The following SUGCT variants were observed in gnomAD, a reference collection of about 807,000 sequenced individuals.
SUGCT encodes the protein succinyl-CoA:glutarate CoA-transferase.
A neutral mutation model predicts 55.0 loss-of-function variants in SUGCT; 41 were observed. That is an observed-to-expected ratio of 0.74 (90% confidence interval 0.58 to 0.97). The LOEUF is 0.97. Ranked by LOEUF, SUGCT falls within the 50% of genes least tolerant of loss-of-function variation. SUGCT has a pLI of 0.00. For missense variants in SUGCT, 568 were observed against 547.8 expected (o/e 1.04, Z -0.37); for synonymous variants, 187 against 200.4 (o/e 0.93, Z 0.56).
At chr7:40,205,218 G>T (rs931094665) in intron 6 of SUGCT, among the ~76,000 whole-genome samples, 1 of 152,252 alleles carries the variant, frequency 6.6e-6, no homozygotes, top group East Asian at 1.9e-4. Context: ...TTGCACCACT[G>T]CACTCCAGCC....
chr7:40,336,524 G>A (rs904706217), intron 9 of SUGCT, among the ~76,000 whole-genome samples: 1 of 152,176 alleles, frequency 6.6e-6, no homozygotes, highest in African/African-American at 2.4e-5. Flanking sequence ...AGATTTTCTA[G>A]TTTATTTGTG....
intron 12 of SUGCT, among the ~76,000 whole-genome samples, chr7:40,648,244 A>G (rs1217897585): frequency 6.6e-6 from 1 of 152,192 alleles, no homozygotes; most frequent in East Asian, 1.9e-4. Context: ...ATTAGCAGTC[A>G]TTATATCTTT....
intron 6 of SUGCT, among the ~76,000 whole-genome samples, chr7:40,213,574 A>G (rs919353610): frequency 1.3e-5 from 2 of 152,064 alleles, no homozygotes; most frequent in Non-Finnish European, 2.9e-5. Flanking sequence ...TCCATGTGAT[A>G]TTCTTGGAAC....
intron 9 of SUGCT, among the ~76,000 whole-genome samples, chr7:40,344,083 G>T (rs966944088): frequency 1.3e-5 from 2 of 152,156 alleles, no homozygotes; most frequent in African/African-American, 4.8e-5. Flanking sequence ...AGATGGTGAG[G>T]TACATGCTGG....
intron 9 of SUGCT, among the ~76,000 whole-genome samples, chr7:40,320,568 A>G (rs1795673053): frequency 6.6e-6 from 1 of 152,172 alleles, no homozygotes; most frequent in Non-Finnish European, 1.5e-5. Flanking sequence ...CTTTACATAC[A>G]TGGCCAACAT....
At position 40,298,193 on chromosome 7, in the gene SUGCT, A is replaced by T. The variant is rs113203940; in HGVS notation, c.721-18567A>T. ...TTGTTATTTTTGAGTATCTTGATTTAAAAAAAAAAAAAAGATCAGTCACCA... is the reference window on the plus strand; with the variant it reads ...TTGTTATTTTTGAGTATCTTGATTTTAAAAAAAAAAAAAGATCAGTCACCA... On this transcript the variant is annotated intron_variant, in intron 8 of 13. Coordinates refer to ENST00000335693, the MANE Select transcript of SUGCT (RefSeq NM_001193313.2). Among the ~76,000 whole-genome samples, 342 of 141,932 alleles carry T rather than the reference A, an allele frequency of 2.4e-3. 1 individual carries two copies. Among genetic ancestry groups the T allele is most frequent in the African/African-American group, 7.7e-3 (302 of 39,080 alleles). 93.1% of individuals were successfully genotyped at this position (141,932 alleles called of 152,430 possible).
intron 12 of SUGCT, 48 bp from the exon 13 acceptor site, chr7:40,749,386 A>T (rs752996753): frequency 2.9e-5 from 43 of 1,492,326 alleles, no homozygotes; most frequent in Non-Finnish European, 4.0e-5. Context: ...GCAATTGAAG[A>T]TGGTTTTATT....
At chr7:40,639,452 A>G (rs974126466) in intron 12 of SUGCT, among the ~76,000 whole-genome samples, 2 of 152,116 alleles carry the variant, frequency 1.3e-5, no homozygotes, top group African/African-American at 2.4e-5. Flanking sequence ...GGTCACATCA[A>G]TTACTATGAT....
intron 11 of SUGCT, among the ~76,000 whole-genome samples, chr7:40,465,161 A>C (rs1487117923): frequency 1.3e-5 from 2 of 152,200 alleles, no homozygotes; most frequent in African/African-American, 4.8e-5. Flanking sequence ...GTTTGGAATG[A>C]TTTGGTTATT....
intron 9 of SUGCT, among the ~76,000 whole-genome samples, chr7:40,406,568 C>T (rs982918095): frequency 1.3e-5 from 2 of 152,198 alleles, no homozygotes; most frequent in African/African-American, 4.8e-5. Flanking sequence ...CTTTCACTTT[C>T]AGAGTTTTCT....
intron 13 of SUGCT, among the ~76,000 whole-genome samples, chr7:40,754,255 T>C (rs1387213459): frequency 1.3e-5 from 2 of 152,204 alleles, no homozygotes; most frequent in African/African-American, 4.8e-5. Flanking sequence ...ACAGGTATTA[T>C]GTGACTCTTT....
chr7:40,932,411 T>G, the SUGCT span, among the ~76,000 whole-genome samples: 72,318 of 151,962 alleles, frequency 0.48, 17,596 homozygotes, highest in Admixed American at 0.55. Flanking sequence ...TTGATTTTGG[T>G]TGGAGAGTTC....
At position 40,377,242 on chromosome 7, in the gene SUGCT, C is replaced by T. The variant is rs1363665219; in HGVS notation, c.816+60387C>T. ...CTTTTCTTTCTTTCTTCCCTTCCTT[C>T]CTTCCTTCTTTCTTTTTTGAGACCT... On this transcript the variant is annotated intron_variant, in intron 9 of 13. Coordinates refer to ENST00000335693, the MANE Select transcript of SUGCT (RefSeq NM_001193313.2). Among the ~76,000 whole-genome samples the T allele has an allele frequency of 7.3e-4, 6 of 8,214 alleles. 1 individual carries two copies. The highest frequency in any genetic ancestry group is 0.083 in the East Asian group (1 of 12). 5.4% of individuals were successfully genotyped at this position (8,214 alleles called of 152,430 possible).
intron 11 of SUGCT, among the ~76,000 whole-genome samples, chr7:40,462,682 C>G (rs1789866985): frequency 6.6e-6 from 1 of 152,144 alleles, no homozygotes; most frequent in Non-Finnish European, 1.5e-5. Context: ...ATTTGTTGAA[C>G]ACCTACTATG....
the SUGCT span, among the ~76,000 whole-genome samples, chr7:41,038,279 G>A: frequency 6.6e-6 from 1 of 152,160 alleles, no homozygotes; most frequent in African/African-American, 2.4e-5. Flanking sequence ...TTCTGACCTA[G>A]GCACTTGCAG....
At chr7:40,571,952 C>A (rs982520384) in intron 12 of SUGCT, among the ~76,000 whole-genome samples, 5 of 152,160 alleles carry the variant, frequency 3.3e-5, no homozygotes, top group Admixed American at 1.3e-4. Context: ...AGTGACTGCT[C>A]TCATTTGCTT....
intron 9 of SUGCT, among the ~76,000 whole-genome samples, chr7:40,395,908 A>G (rs1785702419): frequency 6.6e-6 from 1 of 152,192 alleles, no homozygotes; most frequent in Non-Finnish European, 1.5e-5. Context: ...TGGGCATACT[A>G]AGGTTCTTAC....
At chr7:40,241,622 T>A (rs1182193361) in intron 7 of SUGCT, among the ~76,000 whole-genome samples, 2 of 150,974 alleles carry the variant, frequency 1.3e-5, no homozygotes, top group Admixed American at 6.6e-5. Context: ...GGGAAAATTT[T>A]ATGAAAGAAG....
chr7:40,203,600 C>T (rs537980136), intron 6 of SUGCT, among the ~76,000 whole-genome samples: 1 of 151,888 alleles, frequency 6.6e-6, no homozygotes, highest in African/African-American at 2.4e-5. Context: ...CACGGTGAAA[C>T]CCCGTCTCTA....
Sources: gnomAD v4.1 joint callset for allele counts (sites outside exome capture counted in the v4.1 genomes callset) on GRCh38, gnomAD v4.1.1 for gene constraint, MANE v1.5 for transcripts, NCBI Gene and HGNC (gene_info 2026-07-23, HGNC 2026-07-21) for gene names.